Variants in PCDHA8 observed in about 807,000 individuals in gnomAD.
PCDHA8 encodes protocadherin alpha-8.
In PCDHA8, 53 loss-of-function variants were observed where a neutral mutation model predicts 61.8. That is an observed-to-expected ratio of 0.86 (90% CI 0.69 to 1.08). The LOEUF is 1.08. PCDHA8 is among the 50% of genes least tolerant of loss of function. The pLI, the probability that PCDHA8 is intolerant of heterozygous loss-of-function variation, is 0.00. For missense variants in PCDHA8, 1,293 were observed against 1,245.0 expected (o/e 1.04, Z -0.58); for synonymous variants, 618 against 556.6 (o/e 1.11, Z -1.55).
Position 140,850,457 on chromosome 5 carries a change from C to T in PCDHA8, c.2394+6742C>T, listed in dbSNP as rs2041615283. On this transcript the variant is annotated intron_variant, in intron 1 of 3. Transcript: ENST00000531613. ...GCCTACTGGTGCTGGTGAAAGACCA[C>T]GGGGAGCCAGCGCTGACGGCCACGG... is the stretch of plus-strand genomic sequence containing the variant. 8.1e-6 allele frequency: 13 copies of T among 1,597,684 alleles called. 1 individual carries two copies. Among genetic ancestry groups the T allele is most frequent in the Non-Finnish European group, 1.1e-5 (13 of 1,167,628 alleles).
In PCDHA8 at chr5:140,870,746, T is replaced by C. The variant is rs781831995; in HGVS notation, c.2394+27031T>C. 5.0e-6 allele frequency: 8 copies of C among 1,613,488 alleles called. No individual in the cohort carries two copies. The East Asian group carries it at 1.8e-4, about 36-fold the overall frequency. ...GGCGTGCCGCCTCTGAGCAGCAACG[T>C]GACGCTGCAGGTGTTCGTGCTGGAC... On this transcript the variant is annotated intron_variant, in intron 1 of 3. Transcript: ENST00000531613.
chr5:140,869,190 C>G (rs536787060), intron 1 of PCDHA8: 1 of 1,613,998 alleles, frequency 6.2e-7, no homozygotes, highest in African/African-American at 1.3e-5. Context: ...TGGGGAGCGG[C>G]CAGCTCCACT....
intron 1 of PCDHA8, chr5:140,969,368 G>A: frequency 6.2e-7 from 1 of 1,608,874 alleles, no homozygotes; most frequent in Non-Finnish European, 8.5e-7. Flanking sequence ...ACAAACTCAT[G>A]CATTTGTTAC....
At chr5:141,002,220 G>A (rs2098065627) in intron 3 of PCDHA8, among the ~76,000 whole-genome samples, 1 of 152,196 alleles carries the variant, frequency 6.6e-6, no homozygotes. Context: ...TCAAAATGAT[G>A]GGTTTTCTGG....
At chr5:140,915,995 C>T (rs1256886751) in intron 1 of PCDHA8, among the ~76,000 whole-genome samples, 4 of 152,180 alleles carry the variant, frequency 2.6e-5, no homozygotes, top group African/African-American at 4.8e-5. Context: ...TAAGCTGGCA[C>T]TCAAACCACA....
intron 1 of PCDHA8, chr5:140,882,600 A>G: frequency 6.2e-7 from 1 of 1,614,252 alleles, no homozygotes; most frequent in East Asian, 2.2e-5. Context: ...GTGATCGTGG[A>G]CAGGCCTCTG....
intron 1 of PCDHA8, chr5:140,847,941 A>G (rs923253393): frequency 3.3e-5 from 5 of 151,238 alleles, no homozygotes; most frequent in African/African-American, 1.2e-4. Flanking sequence ...CAACTCCTGG[A>G]TTTCTCTTAC....
chr5:140,894,096 C>T (rs1487747692), intron 1 of PCDHA8, among the ~76,000 whole-genome samples: 3 of 152,098 alleles, frequency 2.0e-5, no homozygotes, highest in African/African-American at 7.2e-5. Flanking sequence ...TCTTCTAGCT[C>T]CTGGTGTTGC....
At chr5:140,893,984 AT>A (rs1305613741) in intron 1 of PCDHA8, among the ~76,000 whole-genome samples, 1 of 152,200 alleles carries the variant, frequency 6.6e-6, no homozygotes, top group South Asian at 2.1e-4. Context: ...TAATTTTAAA[AT>A]ATCTCCAATT....
intron 1 of PCDHA8, chr5:140,969,364 T>C: frequency 6.2e-7 from 1 of 1,610,368 alleles, no homozygotes; most frequent in Non-Finnish European, 8.5e-7. Context: ...TTCTACAAAC[T>C]CATGCATTTG....
At position 140,984,581 on chromosome 5, in the gene PCDHA8, C is replaced by T. The variant is rs141574202; in HGVS notation, c.2542+2018C>T. ...TCCAACTACTCCATGGCAACCTAAT[C>T]ATACTTTTCAATACATACCTCTGCA... On this transcript the variant is annotated intron_variant, in intron 3 of 3. Transcript: ENST00000531613. 4.4e-3 allele frequency among the ~76,000 whole-genome samples: 664 copies of T among 152,272 alleles called. 7 individuals carry two copies. The highest frequency in any genetic ancestry group is 0.013 in the African/African-American group (558 of 41,552).
chr5:140,881,376 C>T (rs1487314933), intron 1 of PCDHA8: 2 of 984,636 alleles, frequency 2.0e-6, no homozygotes, highest in South Asian at 4.7e-5. Context: ...GAATTGCAGC[C>T]GGCGGCGGTA....
chr5:140,991,386 G>T (rs1044991848), intron 3 of PCDHA8, among the ~76,000 whole-genome samples: 2 of 152,168 alleles, frequency 1.3e-5, no homozygotes, highest in African/African-American at 4.8e-5. Context: ...CAACTGTAGG[G>T]TGTCTGTATT....
intron 1 of PCDHA8, among the ~76,000 whole-genome samples, chr5:140,885,084 A>C (rs1313908585): frequency 6.6e-6 from 1 of 152,198 alleles, no homozygotes; most frequent in South Asian, 2.1e-4. Context: ...AAAGAGCCCC[A>C]TAACTTTTCA....
At position 140,928,541 on chromosome 5, in the gene PCDHA8, A is replaced by T. The variant is rs149868042; in HGVS notation, c.2395-50408A>T. Reference sequence around the variant, plus strand: ...AACTTGTTTGTGGTAGATAGGAATGACAATTATCCGGTTATCTTGTTTCCC... The same window carrying T: ...AACTTGTTTGTGGTAGATAGGAATGTCAATTATCCGGTTATCTTGTTTCCC... On this transcript the variant is annotated intron_variant, in intron 1 of 3. Transcript: ENST00000531613. 1,755 of 1,614,192 alleles carry T rather than the reference A, an allele frequency of 1.1e-3. 11 individuals carry two copies. In the African/African-American group the frequency reaches 0.015, roughly 13 times the overall value.
In PCDHA8 at chr5:140,985,515, T is replaced by G. The variant is rs529024123; in HGVS notation, c.2542+2952T>G. The stretch of plus-strand genomic sequence containing the variant: ...AGAGCCTGCCTTTCATTGATTCTGT[T>G]GCCCTTAAAGCTTCACGGTGAAGAT... On this transcript the variant is annotated intron_variant, in intron 3 of 3. Transcript: ENST00000531613. Among the ~76,000 whole-genome samples, 8 of 152,284 alleles carry G rather than the reference T, an allele frequency of 5.3e-5. No individual in the cohort carries two copies. In the South Asian group the frequency reaches 1.7e-3, roughly 32 times the overall value.
At chr5:140,986,859 C>T (rs1554248338) in intron 3 of PCDHA8, among the ~76,000 whole-genome samples, 1 of 152,152 alleles carries the variant, frequency 6.6e-6, no homozygotes, top group East Asian at 1.9e-4. Context: ...ACCAACAATA[C>T]CCGGAAACTT....
chr5:140,881,453 C>T (rs554262236), intron 1 of PCDHA8: 48 of 714,052 alleles, frequency 6.7e-5, no homozygotes, highest in Admixed American at 6.2e-5. Context: ...GAATCCAAAA[C>T]CTTAGAGCAT....
chr5:140,870,145 G>A, intron 1 of PCDHA8: 1 of 1,614,088 alleles, frequency 6.2e-7, no homozygotes, highest in Non-Finnish European at 8.5e-7. Context: ...TAACTCTCCT[G>A]AAGTCGCCGT....
Sources: allele counts gnomAD v4.1 joint callset (sites outside exome capture counted in the v4.1 genomes callset), GRCh38; gene constraint gnomAD v4.1.1; transcripts MANE v1.5; gene names NCBI Gene and HGNC (gene_info 2026-07-23, HGNC 2026-07-21).